The following STK35 variants were observed in gnomAD, a reference collection of about 807,000 sequenced individuals.
STK35 encodes serine/threonine kinase 35, also known as serine/threonine-protein kinase 35.
A neutral mutation model predicts 37.3 loss-of-function variants in STK35; 17 were observed. The ratio of observed to expected loss-of-function variants is 0.46; its 90% CI spans 0.31 to 0.68. The LOEUF is 0.68. Among genes scored for constraint, STK35 ranks in the 30% least tolerant of loss-of-function variants. The pLI, the probability that STK35 is intolerant of heterozygous loss-of-function variation, is 0.05. For synonymous variants in STK35, 385 were observed against 319.1 expected (o/e 1.21, Z -2.20); for missense variants, 595 against 746.7 (o/e 0.80, Z 2.37).
At chr20:2,141,402 T>C (rs950557234) in intron 3 of STK35, among the ~76,000 whole-genome samples, 21 of 152,232 alleles carry the variant, frequency 1.4e-4, no homozygotes, top group African/African-American at 4.8e-4. Context: ...CCCACTTTCT[T>C]GGTCACCCGC....
chr20:2,136,864 G>C (rs1268580113), intron 3 of STK35, among the ~76,000 whole-genome samples: 6 of 152,218 alleles, frequency 3.9e-5, no homozygotes, highest in East Asian at 1.9e-4. Flanking sequence ...TCACTGGGCA[G>C]GGGGACAGAA....
At chr20:2,130,642 A>G (rs1373777162) in intron 3 of STK35, among the ~76,000 whole-genome samples, 1 of 151,974 alleles carries the variant, frequency 6.6e-6, no homozygotes, top group East Asian at 1.9e-4. Flanking sequence ...CTGGCTGTAA[A>G]ATTGATTTTG....
In STK35 at chr20:2,117,344, A is replaced by G; in HGVS notation, c.1571A>G (p.Glu524Gly). The G allele has an allele frequency of 1.2e-6, 2 of 1,612,662 alleles. No individual in the cohort carries two copies. Among genetic ancestry groups the G allele is most frequent in the Non-Finnish European group, 1.7e-6 (2 of 1,178,856 alleles). ...GACCGGCCTGATGCCTTTGAACTTG[A>G]AACCAGAATGGACCAGGTCACATGT... is the stretch of plus-strand genomic sequence containing the variant. Reference protein sequence around the residue: ...PQDRPDAFELETRMDQVTCAA With the variant: ...PQDRPDAFELGTRMDQVTCAA The change falls in exon 3 of 4, where the codon GAA becomes GGA. Residue 524 changes from glutamate (E) to glycine (G), a missense_variant. Glu to Gly is a moderately conservative substitution (Grantham distance 98). This residue lies in a region of STK35 where 109 missense variants were observed against 280.3 expected (regional missense o/e 0.39). Transcript: ENST00000381482. This position sits in a 1 kb window ranked among gnomAD's most constrained non-coding sequence, Gnocchi z 4.4.
At chr20:2,109,267 C>G (rs1188598833) in intron 2 of STK35, among the ~76,000 whole-genome samples, 1 of 152,184 alleles carries the variant, frequency 6.6e-6, no homozygotes, top group African/African-American at 2.4e-5. Flanking sequence ...AGAAACAAGC[C>G]TGGCAAGAGC....
At chr20:2,140,657 G>GACCT (rs1233434072) in intron 3 of STK35, among the ~76,000 whole-genome samples, 1 of 152,216 alleles carries the variant, frequency 6.6e-6, no homozygotes. Context: ...ACCAGACTCA[G>GACCT]ACCTGTAGGC....
At position 2,103,012 on chromosome 20, in the gene STK35, C is replaced by T. The variant is rs773430102; in HGVS notation, c.539C>T (p.Ala180Val). 9.1e-6 allele frequency: 13 copies of T among 1,429,154 alleles called. No homozygotes were observed. The highest frequency in any genetic ancestry group is 6.3e-5 in the Admixed American group (2 of 31,764). The allele number at this position is 1,429,154 out of a possible 1,614,324, so 88.5% of individuals were successfully genotyped here. Residue 180 changes from alanine (A) to valine (V), a missense_variant, in exon 2 of 4, where the codon GCC becomes GTC. Physicochemically the swap from Ala to Val is moderately conservative, Grantham distance 64. Transcript: ENST00000381482. ...ARAMDPVAAE[A>V]PGEAFLARRR... ...GCCATGGATCCGGTGGCGGCCGAGG[C>T]CCCGGGCGAGGCCTTCCTGGCGCGG...
chr20:2,140,757 C>T (rs2122589884), intron 3 of STK35, among the ~76,000 whole-genome samples: 1 of 152,334 alleles, frequency 6.6e-6, no homozygotes, highest in Non-Finnish European at 1.5e-5. Flanking sequence ...GCTTCACTTC[C>T]TGGCATGGGA....
chr20:2,134,013 C>A (rs997439044), intron 3 of STK35, among the ~76,000 whole-genome samples: 11 of 152,094 alleles, frequency 7.2e-5, no homozygotes, highest in African/African-American at 2.7e-4. Context: ...AGTGTTTGTG[C>A]CTCTTCCTTG....
At chr20:2,137,961 C>G (rs1402270200) in intron 3 of STK35, among the ~76,000 whole-genome samples, 2 of 152,206 alleles carry the variant, frequency 1.3e-5, no homozygotes, top group African/African-American at 4.8e-5. Context: ...CCTGCTTGCT[C>G]CACAGCACGA....
chr20:2,125,660 C>T (rs1232236379), intron 3 of STK35, among the ~76,000 whole-genome samples: 1 of 152,220 alleles, frequency 6.6e-6, no homozygotes, highest in Non-Finnish European at 1.5e-5. Context: ...TGTGGCAGGG[C>T]CACCAGCCAT....
intron 3 of STK35, among the ~76,000 whole-genome samples, chr20:2,121,243 A>G (rs1019112555): frequency 1.3e-5 from 2 of 152,232 alleles, no homozygotes; most frequent in Admixed American, 6.5e-5. Context: ...ATCTTGAAAT[A>G]ACGGGATAAG....
chr20:2,143,457 G>A (rs558461197), intron 3 of STK35, among the ~76,000 whole-genome samples: 5 of 152,292 alleles, frequency 3.3e-5, no homozygotes, highest in Admixed American at 6.5e-5. Context: ...TGGGCCCTGC[G>A]GTGTCTTGCT....
chr20:2,106,896 G>A (rs984765573), intron 2 of STK35, among the ~76,000 whole-genome samples: 1 of 152,196 alleles, frequency 6.6e-6, no homozygotes, highest in Admixed American at 6.5e-5. Context: ...TCACAAGGAA[G>A]GAAACTGAAG....
chr20:2,147,007 G>C lies in STK35; in HGVS notation c.*3261G>C, dbSNP rs572267836. The C allele has an allele frequency of 2.6e-5, 4 of 152,766 alleles. No homozygotes were observed. The allele number at this position is 152,766 out of a possible 1,614,324, so 9.5% of individuals were successfully genotyped here. Reference sequence around the variant, plus strand: ...TTTTCCTCCCACCTGGACATAGTTTGCCCCTGTGGCTGCCTTTCTGAGGGA... The same window carrying C: ...TTTTCCTCCCACCTGGACATAGTTTCCCCCTGTGGCTGCCTTTCTGAGGGA... On this transcript the variant is annotated 3_prime_UTR_variant, in exon 4 of 4. Transcript: ENST00000381482.
chr20:2,137,520 A>T (rs570825347), intron 3 of STK35, among the ~76,000 whole-genome samples: 1 of 152,208 alleles, frequency 6.6e-6, no homozygotes, highest in South Asian at 2.1e-4. Flanking sequence ...CCTGTTGTAT[A>T]TGTTGTATAA....
chr20:2,134,145 A>G (rs1986044804), intron 3 of STK35, among the ~76,000 whole-genome samples: 1 of 151,638 alleles, frequency 6.6e-6, no homozygotes, highest in Admixed American at 6.6e-5. Context: ...CTGTAATCCT[A>G]GCTATTGGGG....
chr20:2,117,170 A>T lies in STK35; in HGVS notation c.1397A>T (p.Tyr466Phe). ...SETKKELLGT[Y>F]IKQGTEIVPV... ...ACCAAGAAGGAGCTCCTGGGGACCT[A>T]CATTAAACAGGGGACTGAGATCGTC... The change falls in exon 3 of 4, where the codon TAC becomes TTC. Residue 466 changes from tyrosine to phenylalanine, a missense_variant. Physicochemically the swap from Tyr to Phe is conservative, Grantham distance 22. Coordinates refer to ENST00000381482, the MANE Select transcript of STK35 (RefSeq NM_080836.4). The surrounding 1 kb of genome is among the most constrained non-coding windows in gnomAD (Gnocchi z 4.4). 1 of 1,614,148 alleles carries T rather than the reference A, an allele frequency of 6.2e-7. No homozygotes were observed. The highest frequency in any genetic ancestry group is 8.5e-7 in the Non-Finnish European group (1 of 1,180,020).
intron 2 of STK35, among the ~76,000 whole-genome samples, chr20:2,103,781 A>AT (rs1255346352): frequency 2.0e-5 from 3 of 151,942 alleles, no homozygotes; most frequent in African/African-American, 7.3e-5. Flanking sequence ...AAAAGAAAAA[A>AT]CTTGACTGGA....
intron 3 of STK35, among the ~76,000 whole-genome samples, chr20:2,135,259 G>A (rs1292680719): frequency 6.6e-6 from 1 of 152,200 alleles, no homozygotes; most frequent in Non-Finnish European, 1.5e-5. Flanking sequence ...CCGTGGGACT[G>A]GCTTCCTCTG....
Sources: gnomAD v4.1 joint callset for allele counts (sites outside exome capture counted in the v4.1 genomes callset) on GRCh38, gnomAD v4.1.1 for gene constraint, gnomAD v4.1.1 regional missense constraint, Gnocchi (gnomAD v3.1) non-coding constraint, MANE v1.5 for transcripts, NCBI Gene and HGNC (gene_info 2026-07-23, HGNC 2026-07-21) for gene names.